The following GPRC5D variants were observed in gnomAD, a reference collection of about 807,000 sequenced individuals.
GPRC5D encodes the protein G protein-coupled receptor family C group 5 member D.
A neutral mutation model predicts 29.3 loss-of-function variants in GPRC5D; 20 were observed. The observed-to-expected ratio is 0.68, with a 90% confidence interval of 0.48 to 0.99. The LOEUF is 0.99. Ranked by LOEUF, GPRC5D falls within the 50% of genes least tolerant of loss-of-function variation. GPRC5D has a pLI of 0.00. For synonymous variants in GPRC5D, 178 were observed against 171.3 expected (o/e 1.04, Z -0.30); for missense variants, 384 against 423.6 (o/e 0.91, Z 0.82).
At chr12:12,950,821 A>G (rs1320684176), upstream of GPRC5D, among the ~76,000 whole-genome samples, 1 of 151,178 alleles carries the variant, frequency 6.6e-6, no homozygotes, top group Non-Finnish European at 1.5e-5. Context: ...AGCAAAAAAC[A>G]AGGCAGGGTA....
chr12:12,946,345 C>CT (rs1555109930), intron 1 of GPRC5D, among the ~76,000 whole-genome samples: 309 of 147,700 alleles, frequency 2.1e-3, no homozygotes, highest in African/African-American at 7.6e-3. Context: ...TTCTTTCTTT[C>CT]TTTCTTTCTT....
At chr12:12,949,655 T>C (rs1414616451) in exon 1 of GPRC5D, 2 of 1,614,038 alleles carry the variant, frequency 1.2e-6, no homozygotes, top group African/African-American at 1.3e-5. Context: ...ACCAGAGCAA[T>C]GCAGACGACC....
chr12:12,950,464 G>C (rs1004964981), upstream of GPRC5D: 2 of 951,702 alleles, frequency 2.1e-6, no homozygotes, highest in African/African-American at 3.3e-5. Flanking sequence ...TGACAACTCT[G>C]CATCTCTTAG....
At chr12:12,949,274 TC>T (rs1863426096) in intron 1 of GPRC5D, among the ~76,000 whole-genome samples, 2 of 152,324 alleles carry the variant, frequency 1.3e-5, no homozygotes, top group African/African-American at 4.8e-5. Flanking sequence ...TCTTGGTCTC[TC>T]CCCATAAAGC....
chr12:12,946,181 C>CT (rs1190138915), intron 1 of GPRC5D, among the ~76,000 whole-genome samples: 1 of 152,202 alleles, frequency 6.6e-6, no homozygotes, highest in Non-Finnish European at 1.5e-5. Flanking sequence ...TTTCCACCCA[C>CT]TATCTTTAGT....
At position 12,950,330 on chromosome 12, in the gene GPRC5D, C is replaced by T. The variant is rs377647570; in HGVS notation, c.55G>A (p.Glu19Lys). 194 of 1,612,684 alleles carry T rather than the reference C, an allele frequency of 1.2e-4. No individual in the cohort carries two copies. Among genetic ancestry groups the T allele is most frequent in the Admixed American group, 4.3e-4 (26 of 60,010 alleles). The change falls in exon 1 of 3, where the codon GAG becomes AAG. Residue 19 changes from glutamate to lysine, a missense_variant. Glu to Lys is a moderately conservative substitution (Grantham distance 56, BLOSUM62 1). Transcript: ENST00000228887. The stretch of plus-strand genomic sequence containing the variant: ...TCCAGAATGATGCCCCATGGCCCCT[C>T]GGCGTCACAGAGAAGAAAATAGTCT...
rs1863245555 is a variant in GPRC5D, at chr12:12,944,824, TCC to T, written c.896-2498_896-2497del. On this transcript the variant is annotated intron_variant, in intron 1 of 2. Coordinates refer to ENST00000228887, the Ensembl canonical transcript of GPRC5D. ...TCCCTTCCTTCCTTCCTTCCTTCCT[TCC>T]TTCCTTCCTTCCTTCCTTCCTTCCT... Among the ~76,000 whole-genome samples, 24 of 18,290 alleles carry T rather than the reference TCC, an allele frequency of 1.3e-3. 3 individuals carry two copies. Among genetic ancestry groups the T allele is most frequent in the South Asian group, 6.7e-3 (2 of 298 alleles). The allele number at this position is 18,290 out of a possible 152,430, so 12.0% of individuals were successfully genotyped here.
intron 1 of GPRC5D, chr12:12,947,159 G>T (rs1863369902): frequency 6.6e-6 from 1 of 152,126 alleles, no homozygotes; most frequent in African/African-American, 2.4e-5. Flanking sequence ...GGGTACAATG[G>T]CACGGTTGTT....
At chr12:12,951,734 C>T (rs542661573), upstream of GPRC5D, among the ~76,000 whole-genome samples, 1 of 152,268 alleles carries the variant, frequency 6.6e-6, no homozygotes, top group South Asian at 2.1e-4. Flanking sequence ...GACACTGATG[C>T]ACTGCTTGAA....
At position 12,944,873 on chromosome 12, in the gene GPRC5D, C is replaced by CT. The variant is rs1291925922; in HGVS notation, c.896-2546dup. Among the ~76,000 whole-genome samples the CT allele has an allele frequency of 5.9e-5, 7 of 118,194 alleles. 1 individual carries two copies. The highest frequency in any genetic ancestry group is 8.8e-5 in the African/African-American group (3 of 33,948). The allele number at this position is 118,194 out of a possible 152,430, so 77.5% of individuals were successfully genotyped here. ...TCCTTCTTTCTTTCTTTCTTTCTTT[C>CT]TTTCTTTCTTTCTTTCTTTCTTTCT... On this transcript the variant is annotated intron_variant, in intron 1 of 2. Coordinates refer to ENST00000228887, the Ensembl canonical transcript of GPRC5D.
chr12:12,949,794 C>G (rs762369665), exon 1 of GPRC5D: 6 of 1,614,118 alleles, frequency 3.7e-6, no homozygotes, highest in Non-Finnish European at 5.1e-6. Flanking sequence ...GCTTCCAGTT[C>G]TCACACGGGC....
chr12:12,950,592 A>T (rs1449197500), upstream of GPRC5D, among the ~76,000 whole-genome samples: 2 of 152,216 alleles, frequency 1.3e-5, no homozygotes, highest in Non-Finnish European at 2.9e-5. Flanking sequence ...CGATCACTTG[A>T]GGTCAGCAGT....
chr12:12,951,467 A>C (rs956921893), upstream of GPRC5D, among the ~76,000 whole-genome samples: 1 of 152,208 alleles, frequency 6.6e-6, no homozygotes, highest in Non-Finnish European at 1.5e-5. Flanking sequence ...TTTATATAGG[A>C]TGTCAGTAAA....
At chr12:12,951,394 T>G (rs1863492795), upstream of GPRC5D, among the ~76,000 whole-genome samples, 1 of 152,226 alleles carries the variant, frequency 6.6e-6, no homozygotes, top group Admixed American at 6.5e-5. Flanking sequence ...CAGAGATATA[T>G]GCAAACATAG....
At chr12:12,940,888 A>G (rs780301914) in intron 2 of GPRC5D, 39 bp from the exon 4 acceptor site, 37 of 1,293,308 alleles carry the variant, frequency 2.9e-5, no homozygotes, top group Non-Finnish European at 3.9e-5. Context: ...TTTCTGAGCA[A>G]CAAAAGAAAT....
chr12:12,948,196 A>G (rs1480371903), intron 1 of GPRC5D: 2 of 152,216 alleles, frequency 1.3e-5, no homozygotes, highest in African/African-American at 4.8e-5. Context: ...ACACAGCAGC[A>G]ACGAAAACAC....
upstream of GPRC5D, chr12:12,952,106 C>A (rs1486425372): frequency 2.6e-5 from 4 of 152,206 alleles, no homozygotes; most frequent in Non-Finnish European, 4.4e-5. Flanking sequence ...TTCCAACTTA[C>A]CTTCTCCGTG....
At chr12:12,944,820 TCCTTCCTTCCTTCCTTCCTTCC>T (rs1863244178) in intron 1 of GPRC5D, among the ~76,000 whole-genome samples, 1 of 13,992 alleles carries the variant, frequency 7.1e-5, no homozygotes, top group African/African-American at 1.4e-4. Flanking sequence ...CTTCCTTCCT[TCCTTCCTTCCTTCCTTCCTTCC>T]TTCCTTCCTT....
chr12:12,946,183 A>G (rs967924020), intron 1 of GPRC5D, among the ~76,000 whole-genome samples: 6 of 152,002 alleles, frequency 3.9e-5, no homozygotes, highest in African/African-American at 1.2e-4. Context: ...TCCACCCACT[A>G]TCTTTAGTTG....
Sources: allele counts gnomAD v4.1 joint callset (sites outside exome capture counted in the v4.1 genomes callset), GRCh38; gene constraint gnomAD v4.1.1; transcripts MANE v1.5; gene names NCBI Gene and HGNC (gene_info 2026-07-23, HGNC 2026-07-21).